ATAD3C: variants seen among roughly 807,000 people sequenced by gnomAD.
ATAD3C encodes the protein ATPase family AAA domain-containing protein 3C.
A neutral mutation model predicts 46.3 loss-of-function variants in ATAD3C; 38 were observed. The ratio of observed to expected loss-of-function variants is 0.82; its 90% CI spans 0.63 to 1.08. The LOEUF (loss-of-function observed/expected upper bound fraction) is 1.08, where lower values mean the gene tolerates loss of function less well. Ranked by LOEUF, ATAD3C falls within the 50% of genes least tolerant of loss-of-function variation. ATAD3C has a pLI of 0.00. For synonymous variants in ATAD3C, 220 were observed against 236.4 expected (o/e 0.93, Z 0.63); for missense variants, 563 against 572.7 (o/e 0.98, Z 0.17).
At chr1:1,460,473 G>T (rs1183773831) in intron 9 of ATAD3C, among the ~76,000 whole-genome samples, 1 of 151,992 alleles carries the variant, frequency 6.6e-6, no homozygotes, top group Admixed American at 6.6e-5. Flanking sequence ...GGTGTTCCCG[G>T]CACTGCCTAT....
intron 8 of ATAD3C, among the ~76,000 whole-genome samples, chr1:1,458,272 C>A (rs1437622477): frequency 6.6e-6 from 1 of 151,534 alleles, no homozygotes; most frequent in African/African-American, 2.4e-5. Context: ...TGATCCACCA[C>A]CCCCAGCCAT....
At chr1:1,452,893 A>C (rs1479045538) in intron 3 of ATAD3C, among the ~76,000 whole-genome samples, 5 of 151,844 alleles carry the variant, frequency 3.3e-5, no homozygotes, top group Non-Finnish European at 7.4e-5. Context: ...GAAAACCCTG[A>C]GAGTTTGAAG....
In ATAD3C at chr1:1,462,703, T is replaced by C; in HGVS notation, c.1084T>C (p.Trp362Arg). The change falls in exon 11 of 12, where the codon TGG becomes CGG. Residue 362 changes from tryptophan (W) to arginine (R), a missense_variant. By Grantham distance (101) the Trp-to-Arg change is moderately radical. This residue lies in a region of ATAD3C where 273 missense variants were observed against 253.5 expected (regional missense o/e 1.08). Coordinates refer to ENST00000378785, the MANE Select transcript of ATAD3C (RefSeq NM_001039211.3). The surrounding 1 kb of genome is among the most constrained non-coding windows in gnomAD (Gnocchi z 4.5). ...CRKIAQLAVS[W>R]QATAYASKDG... is the part of the protein sequence containing the mutation. ...GAAGATCGCACAGCTGGCCGTGTCC[T>C]GGCAGGTGAGTCAGGCTCGGGTGCA... 1 of 1,602,164 alleles carries C rather than the reference T, an allele frequency of 6.2e-7. No homozygotes were observed.
intron 8 of ATAD3C, among the ~76,000 whole-genome samples, chr1:1,457,473 G>A (rs544376411): frequency 4.6e-5 from 7 of 151,068 alleles, no homozygotes; most frequent in Admixed American, 6.6e-5. Flanking sequence ...GCGGGCGCCC[G>A]TAGTCCCAGC....
In ATAD3C at chr1:1,455,024, G is replaced by C. The variant is rs976191420; in HGVS notation, c.379-436G>C. ...AGGTCAGGACATCGAGACCATCCTG[G>C]CTAACACAGTGAAACCCCATCTCTA... On this transcript the variant is annotated intron_variant, in intron 4 of 11. Coordinates refer to ENST00000378785, the MANE Select transcript of ATAD3C (RefSeq NM_001039211.3). 4.6e-5 allele frequency among the ~76,000 whole-genome samples: 7 copies of C among 151,226 alleles called. No individual in the cohort carries two copies. In the Admixed American group the frequency reaches 4.6e-4, roughly 10 times the overall value.
chr1:1,469,135 A>T lies in ATAD3C; in HGVS notation c.*605A>T, dbSNP rs1639198958. 2 of 131,242 alleles carry T rather than the reference A, an allele frequency of 1.5e-5. No homozygotes were observed. 8.1% of individuals were successfully genotyped at this position (131,242 alleles called of 1,614,324 possible). On this transcript the variant is annotated 3_prime_UTR_variant, in exon 12 of 12. Transcript: ENST00000378785. Reference sequence around the variant, plus strand: ...AAAAAAAAAAAAAAAAAAAAAAAAAAATTAGCCGGCCGTGGTGGCAAGTGC... The same window carrying T: ...AAAAAAAAAAAAAAAAAAAAAAAAATATTAGCCGGCCGTGGTGGCAAGTGC...
At chr1:1,455,575 C>T (rs1271777177) in intron 5 of ATAD3C, 56 bp downstream of exon 5, 6 of 1,609,938 alleles carry the variant, frequency 3.7e-6, no homozygotes, top group Non-Finnish European at 5.1e-6. Context: ...CGGAGCTGGG[C>T]TGGGCTGTGG....
chr1:1,459,937 G>A lies in ATAD3C; in HGVS notation c.812+706G>A, dbSNP rs1386095663. Among the ~76,000 whole-genome samples the A allele has an allele frequency of 2.5e-4, 38 of 152,136 alleles. No homozygotes were observed. The highest frequency in any genetic ancestry group is 4.4e-4 in the Non-Finnish European group (30 of 67,948). On this transcript the variant is annotated intron_variant, in intron 9 of 11. Transcript: ENST00000378785. The surrounding 1 kb of genome is among the most constrained non-coding windows in gnomAD (Gnocchi z 4.9). ...GACTCCTCAGGCACGTTGGGCTCCT[G>A]GGTCAGCTGCTGCCGGTAGACGCTC...
At chr1:1,452,507 T>G (rs1570142729) in intron 3 of ATAD3C, 73 bp downstream of exon 3, 1 of 1,606,166 alleles carries the variant, frequency 6.2e-7, no homozygotes, top group South Asian at 1.1e-5. Context: ...GAGCCACAGG[T>G]CCTATCCCTG....
chr1:1,467,765 T>C (rs928598960), intron 11 of ATAD3C, among the ~76,000 whole-genome samples: 4 of 152,172 alleles, frequency 2.6e-5, no homozygotes, highest in East Asian at 3.9e-4. Context: ...GGGGACTCCA[T>C]GCCCTTTGCT....
intron 8 of ATAD3C, among the ~76,000 whole-genome samples, chr1:1,458,487 T>G (rs1639003877): frequency 6.6e-6 from 1 of 151,508 alleles, no homozygotes; most frequent in Non-Finnish European, 1.5e-5. Context: ...TCCATGCCGG[T>G]CAGGCTAGTC....
chr1:1,465,638 A>G (rs1414156264), intron 11 of ATAD3C, among the ~76,000 whole-genome samples: 1 of 151,282 alleles, frequency 6.6e-6, no homozygotes, highest in Non-Finnish European at 1.5e-5. Context: ...TAGTATGTAG[A>G]ATTGCAGCTG....
chr1:1,460,510 G>T (rs948819601), intron 9 of ATAD3C, among the ~76,000 whole-genome samples: 8 of 152,060 alleles, frequency 5.3e-5, no homozygotes, highest in African/African-American at 1.7e-4. Flanking sequence ...CAGCGGGGAA[G>T]TACCACACGG....
In ATAD3C at chr1:1,462,915, T is replaced by C. The variant is rs181529722; in HGVS notation, c.1089+207T>C. Among the ~76,000 whole-genome samples, 323 of 152,234 alleles carry C rather than the reference T, an allele frequency of 2.1e-3. 3 individuals carry two copies. The highest frequency in any genetic ancestry group is 7.3e-3 in the African/African-American group (303 of 41,556). On this transcript the variant is annotated intron_variant, in intron 11 of 11. Coordinates refer to ENST00000378785, the MANE Select transcript of ATAD3C (RefSeq NM_001039211.3). The surrounding 1 kb of genome is among the most constrained non-coding windows in gnomAD (Gnocchi z 4.5). ...TGCTCCAGCAAGAAGGGTGGGGCCA[T>C]GTCAGTGGCTGACGGTCACAGGTCA...
intron 8 of ATAD3C, among the ~76,000 whole-genome samples, chr1:1,457,811 G>T (rs1289983480): frequency 6.7e-6 from 1 of 149,936 alleles, no homozygotes; most frequent in East Asian, 2.0e-4. Context: ...CCAAGTAGCT[G>T]GGATTATAGG....
chr1:1,454,195 G>T, intron 3 of ATAD3C, 150 bp from the exon 4 acceptor site: 2 of 1,416,012 alleles, frequency 1.4e-6, no homozygotes. Flanking sequence ...GTGGGATTCG[G>T]GGCTGGGAAT....
In ATAD3C at chr1:1,455,536, G is replaced by C. The variant is rs919742095; in HGVS notation, c.438+17G>C. 6.2e-7 allele frequency: 1 copy of C among 1,612,262 alleles called. No individual in the cohort carries two copies. Among genetic ancestry groups the C allele is most frequent in the African/African-American group, 1.3e-5 (1 of 74,844 alleles). On this transcript the variant is annotated intron_variant, in intron 5 of 11. Transcript: ENST00000378785. ...GTGCTTAGTGTAAGTCGGTGTGCCT[G>C]GGACCGGGGAGGCGCAGGGAGGGGA...
intron 11 of ATAD3C, among the ~76,000 whole-genome samples, chr1:1,463,700 C>T (rs1379102905): frequency 2.0e-5 from 3 of 151,736 alleles, no homozygotes; most frequent in Admixed American, 6.6e-5. Context: ...TATTTGAAAC[C>T]AGGAGTTCAG....
In ATAD3C at chr1:1,469,183, G is replaced by A. The variant is rs1331487113; in HGVS notation, c.*653G>A. On this transcript the variant is annotated 3_prime_UTR_variant, in exon 12 of 12. Coordinates refer to ENST00000378785, the MANE Select transcript of ATAD3C (RefSeq NM_001039211.3). ...TGCCTGAAATCCCAGGTACTCAGGA[G>A]GCTGAGGCAGGAGAATCACTTGAGC... 1 of 148,718 alleles carries A rather than the reference G, an allele frequency of 6.7e-6. No homozygotes were observed. Among genetic ancestry groups the A allele is most frequent in the African/African-American group, 2.5e-5 (1 of 39,948 alleles). 9.2% of individuals were successfully genotyped at this position (148,718 alleles called of 1,614,324 possible). A position where few individuals can be genotyped will look rare whatever the true frequency, so the allele number is the denominator to read the frequency against.
Sources: gnomAD v4.1 joint callset for allele counts (sites outside exome capture counted in the v4.1 genomes callset) on GRCh38, gnomAD v4.1.1 for gene constraint, gnomAD v4.1.1 regional missense constraint, Gnocchi (gnomAD v3.1) non-coding constraint, MANE v1.5 for transcripts, NCBI Gene and HGNC (gene_info 2026-07-23, HGNC 2026-07-21) for gene names.